Variants in NBEA observed in about 807,000 individuals in gnomAD.
NBEA encodes neurobeachin, also known as lysosomal-trafficking regulator 2.
A neutral mutation model predicts 343.4 loss-of-function variants in NBEA; 44 were observed. That is an observed-to-expected ratio of 0.13 (90% CI 0.10 to 0.16). The LOEUF is 0.16. Among genes scored for constraint, NBEA ranks in the 10% least tolerant of loss-of-function variants. NBEA has a pLI of 1.00. For missense variants in NBEA, 2,555 were observed against 3,631.3 expected (o/e 0.70, Z 7.62); for synonymous variants, 1,175 against 1,238.7 (o/e 0.95, Z 1.08).
At chr13:35,605,077 C>A (rs1394698405) in intron 47 of NBEA, among the ~76,000 whole-genome samples, 4 of 152,052 alleles carry the variant, frequency 2.6e-5, no homozygotes, top group Non-Finnish European at 5.9e-5. Flanking sequence ...TTACTGTATG[C>A]ATAAGTAAAT....
intron 41 of NBEA, chr13:35,474,636 A>G (rs1443824079): frequency 6.3e-6 from 1 of 158,712 alleles, no homozygotes; most frequent in Non-Finnish European, 1.4e-5. Context: ...GTTACAAATC[A>G]AAATATACAT....
intron 33 of NBEA, among the ~76,000 whole-genome samples, chr13:35,219,691 A>T (rs1390338871): frequency 6.6e-6 from 1 of 152,152 alleles, no homozygotes; most frequent in African/African-American, 2.4e-5. Flanking sequence ...CGGAGAACCA[A>T]GAGAGCCAGT....
intron 29 of NBEA, among the ~76,000 whole-genome samples, chr13:35,182,828 A>G (rs1398262595): frequency 6.6e-6 from 1 of 151,992 alleles, no homozygotes; most frequent in Non-Finnish European, 1.5e-5. Flanking sequence ...ATTGTTAAAT[A>G]TATTACTTTT....
At chr13:35,248,443 A>G (rs1359841033) in intron 34 of NBEA, among the ~76,000 whole-genome samples, 2 of 152,192 alleles carry the variant, frequency 1.3e-5, no homozygotes, top group African/African-American at 4.8e-5. Flanking sequence ...AGAATAACCA[A>G]TACAATCTTA....
At chr13:35,154,249 A>G (rs544981253) in intron 18 of NBEA, among the ~76,000 whole-genome samples, 1 of 152,264 alleles carries the variant, frequency 6.6e-6, no homozygotes, top group Non-Finnish European at 1.5e-5. Flanking sequence ...AAACTTCTGG[A>G]TGTCGTGGTC....
intron 38 of NBEA, among the ~76,000 whole-genome samples, chr13:35,379,426 G>T (rs1172790082): frequency 6.6e-6 from 1 of 152,054 alleles, no homozygotes; most frequent in Non-Finnish European, 1.5e-5. Context: ...TGATTTGTAA[G>T]AATTCAGTAT....
At chr13:35,031,276 A>G (rs2062207207) in intron 1 of NBEA, among the ~76,000 whole-genome samples, 1 of 151,680 alleles carries the variant, frequency 6.6e-6, no homozygotes. Flanking sequence ...CACAGTAGTG[A>G]CAGACTGAAG....
At chr13:35,310,810 C>A (rs939910695) in intron 36 of NBEA, among the ~76,000 whole-genome samples, 1 of 152,074 alleles carries the variant, frequency 6.6e-6, no homozygotes, top group Non-Finnish European at 1.5e-5. Flanking sequence ...ATAATGCTTA[C>A]TGTATATAAA....
intron 8 of NBEA, among the ~76,000 whole-genome samples, chr13:35,067,977 A>C (rs576463495): frequency 6.6e-6 from 1 of 151,956 alleles, no homozygotes; most frequent in Non-Finnish European, 1.5e-5. Context: ...GCCTCAAGTG[A>C]TCCTCCCACC....
chr13:35,241,753 G>A (rs1293891891), intron 34 of NBEA, among the ~76,000 whole-genome samples: 1 of 151,832 alleles, frequency 6.6e-6, no homozygotes, highest in Admixed American at 6.6e-5. Context: ...ATAAGATGTT[G>A]CAGCAATGAA....
At chr13:35,639,422 C>T (rs770428974) in intron 49 of NBEA, among the ~76,000 whole-genome samples, 1 of 152,052 alleles carries the variant, frequency 6.6e-6, no homozygotes, top group African/African-American at 2.4e-5. Context: ...CATTAAGTAA[C>T]CTTTCCTTTT....
At chr13:35,155,900 C>G in intron 19 of NBEA, 45 bp downstream of exon 19, 1 of 1,550,960 alleles carries the variant, frequency 6.4e-7, no homozygotes. Context: ...AGGCGCATGG[C>G]AACATATGAG....
chr13:35,067,626 G>C (rs2063703394), intron 8 of NBEA, among the ~76,000 whole-genome samples: 1 of 151,922 alleles, frequency 6.6e-6, no homozygotes, highest in Non-Finnish European at 1.5e-5. Context: ...TCTCCTCCTA[G>C]TCATACAGAT....
intron 1 of NBEA, among the ~76,000 whole-genome samples, chr13:35,023,691 T>C (rs768719715): frequency 2.6e-5 from 4 of 152,130 alleles, no homozygotes; most frequent in African/African-American, 7.2e-5. Context: ...CAAGGAAATA[T>C]AGAATAATGC....
At chr13:35,484,621 T>C (rs1352819554) in intron 41 of NBEA, among the ~76,000 whole-genome samples, 1 of 152,038 alleles carries the variant, frequency 6.6e-6, no homozygotes, top group Admixed American at 6.6e-5. Flanking sequence ...TCATTTGCTG[T>C]TTTAACTGGA....
At chr13:35,477,038 A>G (rs2075905718) in intron 41 of NBEA, 1 of 167,976 alleles carries the variant, frequency 6.0e-6, no homozygotes, top group African/African-American at 2.4e-5. Context: ...GCATCCATCA[A>G]TTAGTGATCT....
chr13:35,541,638 C>T (rs2078828584), intron 41 of NBEA, among the ~76,000 whole-genome samples: 1 of 151,604 alleles, frequency 6.6e-6, no homozygotes, highest in South Asian at 2.1e-4. Flanking sequence ...GCTTTTAGTT[C>T]AGTAAAAGGC....
intron 36 of NBEA, among the ~76,000 whole-genome samples, chr13:35,331,066 G>C (rs1685938790): frequency 6.6e-6 from 1 of 152,034 alleles, no homozygotes; most frequent in Non-Finnish European, 1.5e-5. Context: ...AGTCTGATAT[G>C]GAGCTTCATA....
At chr13:35,283,641 C>T (rs1385816317) in intron 34 of NBEA, among the ~76,000 whole-genome samples, 1 of 152,152 alleles carries the variant, frequency 6.6e-6, no homozygotes, top group Non-Finnish European at 1.5e-5. Flanking sequence ...GCATATATTT[C>T]ATAGCATCTT....
Sources: allele counts gnomAD v4.1 joint callset (sites outside exome capture counted in the v4.1 genomes callset), GRCh38; gene constraint gnomAD v4.1.1; transcripts MANE v1.5; gene names NCBI Gene and HGNC (gene_info 2026-07-23, HGNC 2026-07-21).